PARVB: variants seen among roughly 807,000 people sequenced by gnomAD.
The protein encoded by PARVB is beta-parvin.
A neutral mutation model predicts 47.0 loss-of-function variants in PARVB; 46 were observed. The ratio of observed to expected loss-of-function variants is 0.98; its 90% CI spans 0.77 to 1.25. The LOEUF (loss-of-function observed/expected upper bound fraction) is 1.25, where lower values mean the gene tolerates loss of function less well. Among genes scored for constraint, PARVB ranks in the 50% most tolerant of loss-of-function variants. PARVB has a pLI of 0.00. For missense variants in PARVB, 473 were observed against 471.6 expected (o/e 1.00, Z -0.03); for synonymous variants, 196 against 196.3 (o/e 1.00, Z 0.01).
At chr22:44,059,050 T>C (rs1473273599) in intron 1 of PARVB, among the ~76,000 whole-genome samples, 1 of 149,076 alleles carries the variant, frequency 6.7e-6, no homozygotes, top group East Asian at 2.0e-4. Flanking sequence ...TTTTTTTTTT[T>C]TTTTTTTTTT....
At chr22:44,136,392 G>T in intron 6 of PARVB, 68 bp from the exon 7 acceptor site, 1 of 1,399,998 alleles carries the variant, frequency 7.1e-7, no homozygotes, top group South Asian at 1.2e-5. Context: ...AGCTTCGTCT[G>T]CCCTGTCAGT....
chr22:44,097,017 G>T (rs2052324432), intron 2 of PARVB, among the ~76,000 whole-genome samples: 1 of 152,064 alleles, frequency 6.6e-6, no homozygotes, highest in Non-Finnish European at 1.5e-5. Context: ...ACCCACTGTG[G>T]TGTCCCGGGA....
chr22:44,119,929 A>G, intron 4 of PARVB: 2 of 484,706 alleles, frequency 4.1e-6, no homozygotes, highest in East Asian at 1.2e-4. Flanking sequence ...AAAGAACGGA[A>G]GAGCAGAGTT....
At chr22:44,148,157 A>G in intron 9 of PARVB, 1 of 554,736 alleles carries the variant, frequency 1.8e-6, no homozygotes. Context: ...CGCTTCTGTT[A>G]AGTGAATTAC....
At chr22:44,091,274 C>CTTTTTT (rs3083368) in intron 1 of PARVB, among the ~76,000 whole-genome samples, 1 of 90,748 alleles carries the variant, frequency 1.1e-5, no homozygotes, top group Non-Finnish European at 2.3e-5. Flanking sequence ...AGAGGGCCTG[C>CTTTTTT]TTTTTTTTTT....
At chr22:44,106,100 G>C (rs1049759201) in intron 3 of PARVB, 3 of 151,258 alleles carry the variant, frequency 2.0e-5, no homozygotes, top group Non-Finnish European at 4.4e-5. Flanking sequence ...AAAGAGCTGG[G>C]CTTACAGGCG....
At chr22:44,128,421 T>C (rs2053238765) in intron 4 of PARVB, among the ~76,000 whole-genome samples, 1 of 152,232 alleles carries the variant, frequency 6.6e-6, no homozygotes, top group African/African-American at 2.4e-5. Flanking sequence ...AACAGAGCCC[T>C]GAGCTGCTCC....
Position 44,132,925 on chromosome 22 carries a change from C to T in PARVB, c.549C>T (p.Leu183=), listed in dbSNP as rs1353205750. 2 of 1,613,932 alleles carry T rather than the reference C, an allele frequency of 1.2e-6. No homozygotes were observed. The highest frequency in any genetic ancestry group is 1.3e-5 in the African/African-American group (1 of 74,916). Residue 183 remains leucine, a synonymous_variant, in exon 6 of 13, where the codon CTC becomes CTT. Transcript: ENST00000338758. The stretch of plus-strand genomic sequence containing the variant: ...ACGGGAAGAACCTGGTGGCCATCCT[C>T]CACCTGCTGGTCTCTCTGGCCATGC... ...SIHGKNLVAI[L]HLLVSLAMHF...
chr22:44,114,252 TACTA>T (rs373121682), intron 3 of PARVB: 4,222 of 69,888 alleles, frequency 0.06, 12 homozygotes, highest in African/African-American at 0.065. Flanking sequence ...GATACATTGT[TACTA>T]ACTAAGGCCC....
In PARVB at chr22:44,131,588, C is replaced by T. The variant is rs2053321883; in HGVS notation, c.478C>T (p.Leu160=). 4 of 1,613,952 alleles carry T rather than the reference C, an allele frequency of 2.5e-6. No individual in the cohort carries two copies. The African/African-American group carries it at 4.0e-5, about 16-fold the overall frequency. The change falls in exon 5 of 13, where the codon CTG becomes TTG. Residue 160 remains leucine, a synonymous_variant. Coordinates refer to ENST00000338758, the MANE Select transcript of PARVB (RefSeq NM_013327.5). ...QTVLEAVHDL[L]RPRGWALRWS... is the part of the protein sequence containing the mutation. ...GGTGCTGGAAGCAGTACATGACCTGCTGCGGCCCCGAGGCTGGGCGCTCCG... is the reference window on the plus strand; with the variant it reads ...GGTGCTGGAAGCAGTACATGACCTGTTGCGGCCCCGAGGCTGGGCGCTCCG...
intron 3 of PARVB, among the ~76,000 whole-genome samples, chr22:44,117,576 C>T (rs2052937909): frequency 6.6e-6 from 1 of 152,172 alleles, no homozygotes; most frequent in African/African-American, 2.4e-5. Flanking sequence ...CAGGGCCATG[C>T]ACCTCTCCCT....
At chr22:44,128,515 A>G (rs1046307449) in intron 4 of PARVB, among the ~76,000 whole-genome samples, 2 of 152,242 alleles carry the variant, frequency 1.3e-5, no homozygotes, top group Non-Finnish European at 2.9e-5. Flanking sequence ...GAGTCACCCA[A>G]GACCCAGCCT....
intron 3 of PARVB, 57 bp from the exon 4 acceptor site, chr22:44,118,981 C>G: frequency 8.4e-7 from 1 of 1,190,390 alleles, no homozygotes; most frequent in Non-Finnish European, 1.3e-6. Flanking sequence ...TCCCTGGTCA[C>G]TGCCTCATTG....
chr22:44,091,768 G>C (rs561430045), intron 1 of PARVB, among the ~76,000 whole-genome samples: 19 of 152,210 alleles, frequency 1.2e-4, no homozygotes, highest in Non-Finnish European at 2.4e-4. Flanking sequence ...GTGCCCGAAG[G>C]TTCCCTCGAA....
intron 1 of PARVB, among the ~76,000 whole-genome samples, chr22:44,076,387 C>G (rs1325720971): frequency 1.3e-5 from 2 of 152,202 alleles, no homozygotes; most frequent in African/African-American, 2.4e-5. Flanking sequence ...CCAGTCCTCC[C>G]CTGCCAGAAA....
At chr22:44,075,210 TG>T (rs2051742240) in intron 1 of PARVB, among the ~76,000 whole-genome samples, 1 of 152,216 alleles carries the variant, frequency 6.6e-6, no homozygotes, top group East Asian at 1.9e-4. Flanking sequence ...GATGCCTGCC[TG>T]GGACACACAC....
chr22:44,010,380 G>T (rs1416095564), intron 2 of PARVB: 4 of 152,180 alleles, frequency 2.6e-5, no homozygotes, highest in African/African-American at 9.7e-5. Context: ...TCCCTGGGGC[G>T]GCTGCACTGT....
chr22:44,099,302 G>A (rs2052384376), intron 2 of PARVB, among the ~76,000 whole-genome samples: 1 of 152,154 alleles, frequency 6.6e-6, no homozygotes, highest in South Asian at 2.1e-4. Flanking sequence ...TGGCTTCTGT[G>A]TGGTGCTGGG....
intron 10 of PARVB, among the ~76,000 whole-genome samples, chr22:44,156,691 G>A (rs761115694): frequency 6.6e-6 from 1 of 152,122 alleles, no homozygotes; most frequent in Non-Finnish European, 1.5e-5. Context: ...TAGTTAAGAT[G>A]GTAAATGTTA....
Sources: gnomAD v4.1 joint callset for allele counts (sites outside exome capture counted in the v4.1 genomes callset) on GRCh38, gnomAD v4.1.1 for gene constraint, MANE v1.5 for transcripts, NCBI Gene and HGNC (gene_info 2026-07-23, HGNC 2026-07-21) for gene names.